DENND6A: variants seen among roughly 807,000 people sequenced by gnomAD.
DENND6A encodes the protein DENN domain containing 6A, also known as protein DENND6A.
DENND6A carries 43 observed loss-of-function variants against 95.5 expected under a neutral mutation model. The ratio of observed to expected loss-of-function variants is 0.45; its 90% CI spans 0.35 to 0.58. The LOEUF is 0.58. Among genes scored for constraint, DENND6A ranks in the 20% least tolerant of loss-of-function variants. DENND6A has a pLI of 0.00. For missense variants in DENND6A, 574 were observed against 736.0 expected (o/e 0.78, Z 2.55); for synonymous variants, 257 against 260.4 (o/e 0.99, Z 0.13).
intron 3 of DENND6A, among the ~76,000 whole-genome samples, chr3:57,670,974 C>A (rs1420289140): frequency 6.6e-6 from 1 of 152,168 alleles, no homozygotes; most frequent in Non-Finnish European, 1.5e-5. Flanking sequence ...AAGACCTCTG[C>A]ATCATTATTT....
chr3:57,690,665 C>T (rs1357413512), intron 1 of DENND6A, among the ~76,000 whole-genome samples: 16 of 139,236 alleles, frequency 1.1e-4, no homozygotes, highest in Admixed American at 1.1e-3. Flanking sequence ...GCCTGGCTGA[C>T]AAAGTTAGAC....
chr3:57,633,617 C>T (rs2070731843), intron 14 of DENND6A, among the ~76,000 whole-genome samples: 1 of 152,098 alleles, frequency 6.6e-6, no homozygotes, highest in Non-Finnish European at 1.5e-5. Context: ...GGCTGGGCAC[C>T]GTGGCTCACG....
intron 3 of DENND6A, among the ~76,000 whole-genome samples, chr3:57,670,588 GA>G (rs1485071906): frequency 6.6e-6 from 1 of 152,184 alleles, no homozygotes; most frequent in Non-Finnish European, 1.5e-5. Flanking sequence ...TTCACAAAAG[GA>G]AATGTATGTC....
intron 1 of DENND6A, among the ~76,000 whole-genome samples, chr3:57,691,743 G>C (rs973790025): frequency 3.4e-5 from 5 of 149,102 alleles, no homozygotes; most frequent in South Asian, 2.1e-4. Context: ...AATTTCCTTG[G>C]ACACATGAAA....
chr3:57,653,744 T>TA (rs553856616), intron 9 of DENND6A, among the ~76,000 whole-genome samples: 5,833 of 84,594 alleles, frequency 0.069, 749 homozygotes, highest in African/African-American at 0.25. Context: ...AGACTCCATC[T>TA]AAAAAAAAAA....
intron 15 of DENND6A, 117 bp from the exon 16 acceptor site, chr3:57,631,095 C>T: frequency 1.3e-6 from 1 of 793,660 alleles, no homozygotes; most frequent in Non-Finnish European, 2.1e-6. Context: ...TGGACAGCAA[C>T]AACTCCATCA....
chr3:57,678,761 TC>T (rs2077132245), intron 1 of DENND6A, among the ~76,000 whole-genome samples: 1 of 152,184 alleles, frequency 6.6e-6, no homozygotes, highest in Non-Finnish European at 1.5e-5. Context: ...GTAAGCAACT[TC>T]ATTTTAAACT....
chr3:57,642,442 G>C (rs78548798), intron 11 of DENND6A, among the ~76,000 whole-genome samples: 4,626 of 151,866 alleles, frequency 0.03, 100 homozygotes, highest in Middle Eastern at 0.051. Flanking sequence ...GGCGTTTTTT[G>C]CCAAGTGGAT....
intron 1 of DENND6A, among the ~76,000 whole-genome samples, chr3:57,689,636 G>A (rs2077242741): frequency 1.3e-5 from 2 of 152,148 alleles, no homozygotes; most frequent in Non-Finnish European, 2.9e-5. Flanking sequence ...TTCTACTCAG[G>A]GCTTTAGCCA....
At chr3:57,658,103 G>T (rs923705243) in intron 8 of DENND6A, among the ~76,000 whole-genome samples, 2 of 152,006 alleles carry the variant, frequency 1.3e-5, no homozygotes, top group African/African-American at 2.4e-5. Context: ...AGGCATGGGG[G>T]CAGGCGCCTG....
chr3:57,691,143 A>G (rs1037157759), intron 1 of DENND6A, among the ~76,000 whole-genome samples: 3 of 152,246 alleles, frequency 2.0e-5, no homozygotes, highest in Non-Finnish European at 4.4e-5. Flanking sequence ...AATCTCCTTT[A>G]GCTATTTAAA....
At chr3:57,673,000 A>T (rs1257949944) in intron 1 of DENND6A, among the ~76,000 whole-genome samples, 1 of 151,750 alleles carries the variant, frequency 6.6e-6, no homozygotes, top group Non-Finnish European at 1.5e-5. Context: ...GGAGGCTGAG[A>T]CGTGCAGAGT....
At chr3:57,673,730 G>GT (rs897813084) in intron 1 of DENND6A, among the ~76,000 whole-genome samples, 4 of 151,818 alleles carry the variant, frequency 2.6e-5, no homozygotes, top group African/African-American at 7.3e-5. Flanking sequence ...CAATAATGAA[G>GT]TTTTTTTTGT....
At chr3:57,682,874 C>T (rs1324876083) in intron 1 of DENND6A, among the ~76,000 whole-genome samples, 2 of 152,092 alleles carry the variant, frequency 1.3e-5, no homozygotes, top group Admixed American at 1.3e-4. Context: ...GACGGAGTTT[C>T]GCCATGTTGG....
At chr3:57,660,533 G>A (rs992039879) in intron 7 of DENND6A, among the ~76,000 whole-genome samples, 2 of 152,002 alleles carry the variant, frequency 1.3e-5, no homozygotes, top group Admixed American at 1.3e-4. Flanking sequence ...AACATGGCAA[G>A]ATTCTGTCTA....
rs767299005 is a variant in DENND6A at position 57,630,959 on chromosome 3, A to T, written c.1373T>A (p.Leu458Ter). Residue 458 changes from leucine (L) to a stop codon, truncating the protein, a stop_gained, in exon 16 of 20, where the codon TTG becomes TAG. Transcript: ENST00000311128. LOFTEE classifies it high-confidence loss of function. ...GGAAATACTTTTCTGCAAAGGCATC[A>T]AGCTTGCCACATATCTTTCCTAAAA... ...IIPLERYVAS[L>*]MPLQKSISPW... 1.2e-6 allele frequency: 2 copies of T among 1,613,408 alleles called. No homozygotes were observed. The highest frequency in any genetic ancestry group is 4.5e-5 in the East Asian group (2 of 44,852).
Position 57,634,603 on chromosome 3 carries a change from CT to C in DENND6A, c.1217del (p.Lys406SerfsTer4). ...TCTCTTCATCTCTATTTAAATATGG[CT>C]TATATGAAGTATAAACTCCTAAGAG... ...DSKPGVYTSY[K>X]PYLNRDEEII... On this transcript the variant is annotated frameshift_variant, in exon 14 of 20. Coordinates refer to ENST00000311128, the MANE Select transcript of DENND6A (RefSeq NM_152678.3). LOFTEE classifies it high-confidence loss of function. The C allele has an allele frequency of 6.8e-7, 1 of 1,471,148 alleles. No homozygotes were observed. Among genetic ancestry groups the C allele is most frequent in the Non-Finnish European group, 9.1e-7 (1 of 1,096,332 alleles). 91.1% of individuals were successfully genotyped at this position (1,471,148 alleles called of 1,614,324 possible). A position where few individuals can be genotyped will look rare whatever the true frequency, so the allele number is the denominator to read the frequency against.
At position 57,662,185 on chromosome 3, in the gene DENND6A, C is replaced by CTTTTT. The variant is rs60063768; in HGVS notation, c.514-639_514-635dup. Among the ~76,000 whole-genome samples, 63 of 79,142 alleles carry CTTTTT rather than the reference C, an allele frequency of 8.0e-4. 2 individuals are homozygous for CTTTTT. The highest frequency in any genetic ancestry group is 2.7e-3 in the South Asian group (5 of 1,836). The allele number at this position is 79,142 out of a possible 152,430, so 51.9% of individuals were successfully genotyped here. A position where few individuals can be genotyped will look rare whatever the true frequency, so the allele number is the denominator to read the frequency against. ...TTTTTGTTTCTTTCTTTTCTTTTTT[C>CTTTTT]TTTTTTTTTTTTTTTTTTTTTTTGA... On this transcript the variant is annotated intron_variant, in intron 5 of 19. Transcript: ENST00000311128.
rs140503507 is a variant in DENND6A, at chr3:57,646,359, G to C, written c.898C>G (p.Pro300Ala). The part of the protein sequence containing the change: ...LLGEPLVVMA[P>A]SPSESSETVL... ...GTCTCTGATGATTCCGATGGTGATG[G>C]CGCCATAACCACAAGGGGCTCCCCC... The change falls in exon 10 of 20, where the codon CCA becomes GCA. Residue 300 changes from proline (P) to alanine (A), a missense_variant. Pro to Ala is a conservative substitution (Grantham distance 27). Coordinates refer to ENST00000311128, the MANE Select transcript of DENND6A (RefSeq NM_152678.3). The C allele has an allele frequency of 2.1e-4, 341 of 1,613,886 alleles. No individual in the cohort carries two copies. Among genetic ancestry groups the C allele is most frequent in the Non-Finnish European group, 2.7e-4 (315 of 1,179,998 alleles).
Sources: gnomAD v4.1 joint callset for allele counts (sites outside exome capture counted in the v4.1 genomes callset) on GRCh38, gnomAD v4.1.1 for gene constraint, MANE v1.5 for transcripts, NCBI Gene and HGNC (gene_info 2026-07-23, HGNC 2026-07-21) for gene names.